WWOX: variants seen among roughly 807,000 people sequenced by gnomAD.
The protein encoded by WWOX is WW domain-containing oxidoreductase.
WWOX carries 69 observed loss-of-function variants against 46.2 expected under a neutral mutation model. That is an observed-to-expected ratio of 1.49 (90% CI 1.23 to 1.82). The LOEUF is 1.82. Ranked by LOEUF, WWOX falls within the 40% of genes most tolerant of loss-of-function variation. WWOX has a pLI of 0.00. For missense variants in WWOX, 919 were observed against 542.6 expected (o/e 1.69, Z -6.89); for synonymous variants, 359 against 202.6 (o/e 1.77, Z -6.56).
chr16:78,468,569 A>G (rs1157247659), intron 8 of WWOX, among the ~76,000 whole-genome samples: 1 of 152,094 alleles, frequency 6.6e-6, no homozygotes, highest in African/African-American at 2.4e-5. Context: ...GTAGCTTGAT[A>G]GTTACAGGGA....
intron 8 of WWOX, among the ~76,000 whole-genome samples, chr16:78,795,334 C>A (rs1393031142): frequency 6.6e-6 from 1 of 152,062 alleles, no homozygotes; most frequent in Non-Finnish European, 1.5e-5. Context: ...CAGTCCAACC[C>A]CCTGAAAGCT....
At chr16:78,836,473 C>T (rs955389198) in intron 8 of WWOX, among the ~76,000 whole-genome samples, 4 of 152,176 alleles carry the variant, frequency 2.6e-5, no homozygotes, top group Admixed American at 2.0e-4. Flanking sequence ...GGCATCCACT[C>T]TTCTAGTAGG....
At chr16:78,719,196 A>G (rs968227749) in intron 8 of WWOX, among the ~76,000 whole-genome samples, 1 of 152,294 alleles carries the variant, frequency 6.6e-6, no homozygotes. Context: ...GAACCTGATC[A>G]ACAGAAACAG....
At chr16:78,186,543 C>A (rs2035710097) in intron 5 of WWOX, among the ~76,000 whole-genome samples, 1 of 152,166 alleles carries the variant, frequency 6.6e-6, no homozygotes, top group Non-Finnish European at 1.5e-5. Context: ...GCAGGTGGAT[C>A]ACTTGTGGTC....
chr16:78,419,190 A>C (rs2082867360), intron 6 of WWOX, among the ~76,000 whole-genome samples: 2 of 152,176 alleles, frequency 1.3e-5, no homozygotes, highest in African/African-American at 4.8e-5. Flanking sequence ...CAGAAGATTT[A>C]ATATTGTATA....
intron 5 of WWOX, among the ~76,000 whole-genome samples, chr16:78,294,355 T>G (rs1304109707): frequency 2.6e-5 from 4 of 152,144 alleles, no homozygotes; most frequent in African/African-American, 9.7e-5. Context: ...ATGAGCCCCT[T>G]CCACTCAGAA....
intron 5 of WWOX, among the ~76,000 whole-genome samples, chr16:78,232,620 G>C (rs1435400106): frequency 6.6e-6 from 1 of 152,184 alleles, no homozygotes; most frequent in African/African-American, 2.4e-5. Flanking sequence ...GGAATTTGGA[G>C]ATTATCTCCA....
At chr16:78,551,750 T>C (rs2044178634) in intron 8 of WWOX, 1 of 152,016 alleles carries the variant, frequency 6.6e-6, no homozygotes, top group Non-Finnish European at 1.5e-5. Context: ...GCAGACTTTG[T>C]CTTCCTCCAT....
intron 8 of WWOX, among the ~76,000 whole-genome samples, chr16:78,830,130 C>T (rs1056908695): frequency 6.6e-6 from 1 of 151,794 alleles, no homozygotes; most frequent in Non-Finnish European, 1.5e-5. Flanking sequence ...AAAAAATAAA[C>T]AAAATACTTC....
intron 8 of WWOX, among the ~76,000 whole-genome samples, chr16:78,978,422 C>T (rs991132063): frequency 6.6e-6 from 1 of 152,170 alleles, no homozygotes; most frequent in Non-Finnish European, 1.5e-5. Flanking sequence ...AACCGTTTTC[C>T]ACAGTGGCTG....
intron 5 of WWOX, among the ~76,000 whole-genome samples, chr16:78,263,847 T>C (rs570991389): frequency 1.3e-5 from 2 of 152,258 alleles, no homozygotes; most frequent in Non-Finnish European, 2.9e-5. Context: ...TAGAAGTCTC[T>C]GCCTTGGGAT....
intron 8 of WWOX, among the ~76,000 whole-genome samples, chr16:78,930,217 ACCTTTCTT>A (rs2045588649): frequency 6.3e-5 from 5 of 79,924 alleles, no homozygotes; most frequent in African/African-American, 2.0e-4. Flanking sequence ...TTATTTCAGG[ACCTTTCTT>A]CCTTCCTTCC....
At chr16:78,334,349 C>T (rs1172015456) in intron 5 of WWOX, among the ~76,000 whole-genome samples, 2 of 152,112 alleles carry the variant, frequency 1.3e-5, no homozygotes, top group Non-Finnish European at 2.9e-5. Flanking sequence ...AGCAAAAAGT[C>T]CCCAAAGTCG....
rs917098182 is a variant in WWOX, at chr16:78,140,010, G to A, written c.410-24173G>A. Among the ~76,000 whole-genome samples, 11 of 152,298 alleles carry A rather than the reference G, an allele frequency of 7.2e-5. 1 individual carries two copies. Among genetic ancestry groups the A allele is most frequent in the Admixed American group, 2.6e-4 (4 of 15,304 alleles). On this transcript the variant is annotated intron_variant, in intron 4 of 8. Coordinates refer to ENST00000566780, the MANE Select transcript of WWOX (RefSeq NM_016373.4). ...GTCCCAGAATTTTGGGTTTGCACAT[G>A]TGCAAGTGCCAAGCAGGTTCTTGTA... is the stretch of plus-strand genomic sequence containing the variant.
intron 8 of WWOX, among the ~76,000 whole-genome samples, chr16:79,123,744 C>G (rs1430244817): frequency 6.6e-6 from 1 of 152,078 alleles, no homozygotes; most frequent in East Asian, 1.9e-4. Flanking sequence ...TGAAATAATG[C>G]CATTTAAAAG....
intron 8 of WWOX, among the ~76,000 whole-genome samples, chr16:78,908,048 C>G (rs1261316792): frequency 6.6e-6 from 1 of 152,094 alleles, no homozygotes; most frequent in African/African-American, 2.4e-5. Context: ...GCATACTAAC[C>G]GTATGAAAGT....
chr16:78,847,106 C>G (rs1183971791), intron 8 of WWOX, among the ~76,000 whole-genome samples: 1 of 152,216 alleles, frequency 6.6e-6, no homozygotes, highest in Non-Finnish European at 1.5e-5. Flanking sequence ...ACACTGTCAT[C>G]TTGGACTTCC....
At chr16:78,125,956 T>G (rs746952189) in intron 4 of WWOX, among the ~76,000 whole-genome samples, 1 of 152,122 alleles carries the variant, frequency 6.6e-6, no homozygotes, top group Non-Finnish European at 1.5e-5. Flanking sequence ...AAAATAAGAA[T>G]AAAAGATTTA....
intron 8 of WWOX, among the ~76,000 whole-genome samples, chr16:79,031,091 T>TGAA (rs2047743777): frequency 1.6e-5 from 1 of 61,748 alleles, no homozygotes; most frequent in African/African-American, 6.0e-5. Context: ...AGACCCTGTC[T>TGAA]CAAAAAAAAA....
Sources: gnomAD v4.1 joint callset for allele counts (sites outside exome capture counted in the v4.1 genomes callset) on GRCh38, gnomAD v4.1.1 for gene constraint, MANE v1.5 for transcripts, NCBI Gene and HGNC (gene_info 2026-07-23, HGNC 2026-07-21) for gene names.